KCNT2: variants seen among roughly 807,000 people sequenced by gnomAD.
The protein encoded by KCNT2 is potassium channel subfamily T member 2.
In KCNT2, 67 loss-of-function variants were observed where a neutral mutation model predicts 153.8. The ratio of observed to expected loss-of-function variants is 0.44; its 90% confidence interval spans 0.36 to 0.53. The LOEUF (loss-of-function observed/expected upper bound fraction) is 0.53, where lower values mean the gene tolerates loss of function less well. Among genes scored for constraint, KCNT2 ranks in the 20% least tolerant of loss-of-function variants. The probability of loss-of-function intolerance (pLI) is 0.00; values close to 1 mark genes in which losing one functional copy is unlikely to be tolerated. For missense variants in KCNT2, 975 were observed against 1,354.8 expected (o/e 0.72, Z 4.40); for synonymous variants, 500 against 458.8 (o/e 1.09, Z -1.15).
intron 4 of KCNT2, among the ~76,000 whole-genome samples, chr1:196,480,236 A>AT (rs1190424558): frequency 6.6e-6 from 1 of 152,208 alleles, no homozygotes; most frequent in Non-Finnish European, 1.5e-5. Flanking sequence ...ATGTTTATAG[A>AT]TTTTTGAGGT....
intron 14 of KCNT2, among the ~76,000 whole-genome samples, chr1:196,352,203 G>A (rs1193146906): frequency 1.7e-4 from 26 of 151,820 alleles, no homozygotes; most frequent in African/African-American, 4.8e-4. Context: ...TTGGTATCAG[G>A]ATGATGCTGG....
At chr1:196,582,559 G>A (rs904900283) in intron 1 of KCNT2, 11 of 154,226 alleles carry the variant, frequency 7.1e-5, no homozygotes, top group Middle Eastern at 5.1e-4. Flanking sequence ...TGGTTAGAAT[G>A]ATAGAGGGCA....
In KCNT2 at chr1:196,513,499, C is replaced by T. The variant is rs552718326; in HGVS notation, c.96-21158G>A. Among the ~76,000 whole-genome samples the T allele has an allele frequency of 3.9e-5, 6 of 152,306 alleles. No homozygotes were observed. The East Asian group carries it at 9.6e-4, about 24-fold the overall frequency. ...TGAATAATCTAGCACACTATGATAT[C>T]GCTTTATTTCCTCAACCAGACTTAA... On this transcript the variant is annotated intron_variant, in intron 1 of 27. Transcript: ENST00000294725.
chr1:196,398,441 T>A (rs947054195), intron 13 of KCNT2, 122 bp downstream of exon 13: 16 of 553,180 alleles, frequency 2.9e-5, no homozygotes, highest in African/African-American at 2.5e-4. Flanking sequence ...GTTTTAATAA[T>A]CATTTTCAGT....
At chr1:196,302,572 A>G (rs1008779891) in intron 22 of KCNT2, among the ~76,000 whole-genome samples, 47 of 151,984 alleles carry the variant, frequency 3.1e-4, no homozygotes, top group African/African-American at 1.0e-3. Context: ...TTCCCTTCAC[A>G]TTGCCTTCCT....
At chr1:196,267,544 T>A (rs530385707) in intron 25 of KCNT2, among the ~76,000 whole-genome samples, 25 of 152,266 alleles carry the variant, frequency 1.6e-4, no homozygotes, top group African/African-American at 5.3e-4. Context: ...GGCTCTAGAA[T>A]CTCTCCAAAT....
intron 14 of KCNT2, among the ~76,000 whole-genome samples, chr1:196,361,638 C>A (rs1316019180): frequency 6.6e-6 from 1 of 151,992 alleles, no homozygotes. Flanking sequence ...GGCGCTTCCC[C>A]ACTTTGCTGC....
At chr1:196,485,629 CAG>C (rs1326072072) in intron 3 of KCNT2, among the ~76,000 whole-genome samples, 1 of 151,338 alleles carries the variant, frequency 6.6e-6, no homozygotes, top group Non-Finnish European at 1.5e-5. Flanking sequence ...AAATAGGCTT[CAG>C]AATCCATAAA....
At chr1:196,472,855 C>T (rs972119491) in intron 5 of KCNT2, among the ~76,000 whole-genome samples, 2 of 152,078 alleles carry the variant, frequency 1.3e-5, no homozygotes, top group Non-Finnish European at 2.9e-5. Flanking sequence ...GCCACCATCC[C>T]ATCATTCTTG....
chr1:196,572,225 A>G (rs926909187), intron 1 of KCNT2, among the ~76,000 whole-genome samples: 3 of 152,116 alleles, frequency 2.0e-5, no homozygotes, highest in Non-Finnish European at 4.4e-5. Context: ...TTTTGGATTC[A>G]ATATGAAGAT....
chr1:196,240,908 C>T (rs1275441614), intron 26 of KCNT2, among the ~76,000 whole-genome samples: 2 of 151,970 alleles, frequency 1.3e-5, no homozygotes, highest in African/African-American at 2.4e-5. Context: ...CAAGTTTAAA[C>T]TCAGGACTAT....
At chr1:196,361,910 TGTGA>T (rs1667657209) in intron 14 of KCNT2, among the ~76,000 whole-genome samples, 1 of 70,034 alleles carries the variant, frequency 1.4e-5, no homozygotes, top group Non-Finnish European at 2.8e-5. Flanking sequence ...TGTTTGTGAG[TGTGA>T]GTGTGTGTGT....
intron 8 of KCNT2, among the ~76,000 whole-genome samples, chr1:196,457,157 A>T (rs894877080): frequency 6.6e-6 from 1 of 151,854 alleles, no homozygotes; most frequent in Admixed American, 6.6e-5. Flanking sequence ...AAAGGAGTAG[A>T]CAATTTAGAA....
At chr1:196,250,071 A>G (rs975325479) in intron 26 of KCNT2, among the ~76,000 whole-genome samples, 11 of 152,196 alleles carry the variant, frequency 7.2e-5, no homozygotes, top group African/African-American at 2.6e-4. Context: ...AATACCAATG[A>G]TATTCTTCAC....
intron 13 of KCNT2, among the ~76,000 whole-genome samples, chr1:196,373,906 C>T (rs904265791): frequency 2.0e-5 from 3 of 151,648 alleles, no homozygotes; most frequent in Non-Finnish European, 4.4e-5. Context: ...TAATAAATGG[C>T]TGCTGAAATT....
chr1:196,589,610 C>T (rs1663100439), intron 1 of KCNT2, among the ~76,000 whole-genome samples: 1 of 151,998 alleles, frequency 6.6e-6, no homozygotes, highest in Non-Finnish European at 1.5e-5. Flanking sequence ...ATGAATTTCT[C>T]CCTTTCTTAT....
At chr1:196,593,075 CT>C (rs950579915) in intron 1 of KCNT2, among the ~76,000 whole-genome samples, 35 of 150,548 alleles carry the variant, frequency 2.3e-4, no homozygotes, top group African/African-American at 5.6e-4. Context: ...CCCTTACCCC[CT>C]CCCACCCTTT....
rs1268370046 is a variant in KCNT2 at position 196,394,129 on chromosome 1, G to A, written c.1294+4434C>T. Among the ~76,000 whole-genome samples the A allele has an allele frequency of 2.0e-5, 3 of 151,536 alleles. No individual in the cohort carries two copies. The East Asian group carries it at 5.8e-4, about 29-fold the overall frequency. ...TCTTTAAAAAATAATGATATTGTGA[G>A]AGGGTATTGGAATTTGTATCCTGGT... On this transcript the variant is annotated intron_variant, in intron 13 of 27. Transcript: ENST00000294725.
At chr1:196,378,801 T>TTGTATATATAATTATATATATATATTA in intron 13 of KCNT2, among the ~76,000 whole-genome samples, 1 of 147,562 alleles carries the variant, frequency 6.8e-6, no homozygotes, top group Non-Finnish European at 1.5e-5. Flanking sequence ...GTAAACAACA[T>TTGTATATATAATTATATATATATATTA]TGTATATATA....
Sources: allele counts gnomAD v4.1 joint callset (sites outside exome capture counted in the v4.1 genomes callset), GRCh38; gene constraint gnomAD v4.1.1; transcripts MANE v1.5; gene names NCBI Gene and HGNC (gene_info 2026-07-23, HGNC 2026-07-21).